The following HEXA variants were observed in gnomAD, a reference collection of about 807,000 sequenced individuals.
HEXA encodes beta-hexosaminidase subunit alpha.
Under a neutral mutation model 73.3 loss-of-function variants are expected in HEXA, and 54 were observed. The ratio of observed to expected loss-of-function variants is 0.74; its 90% CI spans 0.59 to 0.92. The LOEUF is 0.92. Ranked by LOEUF, HEXA falls within the 40% of genes least tolerant of loss-of-function variation. The pLI is 0.00. For missense variants in HEXA, 649 were observed against 653.0 expected, an observed-to-expected ratio of 0.99 and a Z score of 0.07; for synonymous variants, 230 against 246.9, an observed-to-expected ratio of 0.93 and a Z score of 0.64.
At chr15:72,346,210 C>T in intron 12 of HEXA, 25 bp downstream of exon 12, 3 of 1,578,658 alleles carry the variant, frequency 1.9e-6, no homozygotes, top group Non-Finnish European at 1.7e-6. Flanking sequence ...GCCCAACCCT[C>T]CACCTCCCCC....
chr15:72,375,086 G>A (rs957560801), intron 1 of HEXA, among the ~76,000 whole-genome samples: 1 of 96,060 alleles, frequency 1.0e-5, no homozygotes, highest in Non-Finnish European at 2.2e-5. Flanking sequence ...TGTTTTGTTT[G>A]GGGGGGGGGG....
At chr15:72,366,861 T>C (rs1414778385) in intron 1 of HEXA, among the ~76,000 whole-genome samples, 2 of 152,206 alleles carry the variant, frequency 1.3e-5, no homozygotes, top group Admixed American at 6.5e-5. Context: ...GTTTGCTTGA[T>C]ACCTCATAGT....
At chr15:72,363,805 C>T (rs1256195251) in intron 1 of HEXA, among the ~76,000 whole-genome samples, 2 of 152,070 alleles carry the variant, frequency 1.3e-5, no homozygotes, top group Non-Finnish European at 1.5e-5. Context: ...TCTATTTTCC[C>T]CTACTTTTAA....
intron 1 of HEXA, chr15:72,357,846 G>C (rs2140329945): frequency 6.6e-6 from 1 of 152,130 alleles, no homozygotes; most frequent in Non-Finnish European, 1.5e-5. Flanking sequence ...CCAATAAGGG[G>C]GCCTTTCCTA....
In HEXA at chr15:72,352,158, G is replaced by A. The variant is rs118104625; in HGVS notation, c.570+910C>T. On this transcript the variant is annotated intron_variant, in intron 5 of 13. Transcript: ENST00000268097. ...TTTTCAGTAGAGATGGGGTTTCACC[G>A]TCTTGGCCAGGTTAGTCTCAAACTC... Among the ~76,000 whole-genome samples the A allele has an allele frequency of 3.5e-3, 532 of 152,156 alleles. 1 individual carries two copies. The highest frequency in any genetic ancestry group is 3.5e-3 in the Non-Finnish European group (240 of 68,004).
chr15:72,344,352 C>T (rs2088584001), intron 13 of HEXA, among the ~76,000 whole-genome samples: 1 of 152,134 alleles, frequency 6.6e-6, no homozygotes, highest in Non-Finnish European at 1.5e-5. Flanking sequence ...ACAGGTGCCT[C>T]AGGTGATTCT....
intron 1 of HEXA, chr15:72,357,502 T>G (rs756831844): frequency 6.6e-6 from 1 of 152,368 alleles, no homozygotes; most frequent in Non-Finnish European, 1.5e-5. Flanking sequence ...CTCACCCTCC[T>G]GCTGGTTCTT....
At chr15:72,349,398 G>A in intron 7 of HEXA, 139 bp from the exon 8 acceptor site, 1 of 731,406 alleles carries the variant, frequency 1.4e-6, no homozygotes. Flanking sequence ...GGCACACTTA[G>A]GCACTCACAG....
chr15:72,348,257 C>T lies in HEXA; in HGVS notation c.987-123G>A, dbSNP rs2088645911. The T allele has an allele frequency of 1.5e-5, 11 of 732,616 alleles. No homozygotes were observed. In the South Asian group the frequency reaches 1.6e-4, roughly 11 times the overall value. 45.4% of individuals were successfully genotyped at this position (732,616 alleles called of 1,614,324 possible). A position where few individuals can be genotyped will look rare whatever the true frequency, so the allele number is the denominator to read the frequency against. On this transcript the variant is annotated intron_variant, in intron 8 of 13. Transcript: ENST00000268097. The stretch of plus-strand genomic sequence containing the variant: ...CCTGAAAAATCAAATAAGCAAGGAT[C>T]TCAGAAGCCCTACATGTGGAAAGTG...
chr15:72,367,321 G>C (rs1426108634), intron 1 of HEXA, among the ~76,000 whole-genome samples: 1 of 152,116 alleles, frequency 6.6e-6, no homozygotes, highest in African/African-American at 2.4e-5. Flanking sequence ...GTGAATGAGA[G>C]CCAACATTCA....
chr15:72,364,338 C>A lies in HEXA; in HGVS notation c.254-7721G>T, dbSNP rs558075863. Among the ~76,000 whole-genome samples, 6 of 152,024 alleles carry A rather than the reference C, an allele frequency of 3.9e-5. No individual in the cohort carries two copies. The East Asian group carries it at 9.7e-4, about 24-fold the overall frequency. ...GGATCCTAATACTATTAGTTTGTAA[C>A]ATTTTTCCCCTTACCAAAATGAGCT... On this transcript the variant is annotated intron_variant, in intron 1 of 13. Coordinates refer to ENST00000268097, the MANE Select transcript of HEXA (RefSeq NM_000520.6).
At chr15:72,346,157 G>T in intron 12 of HEXA, 78 bp downstream of exon 12, 1 of 990,742 alleles carries the variant, frequency 1.0e-6, no homozygotes, top group Non-Finnish European at 1.6e-6. Flanking sequence ...TCCAGAGGTG[G>T]CTAGATGGGA....
intron 10 of HEXA, 36 bp from the exon 11 acceptor site, chr15:72,346,746 A>G: frequency 6.3e-7 from 1 of 1,599,112 alleles, no homozygotes; most frequent in Non-Finnish European, 8.6e-7. Context: ...AAGGACACAA[A>G]GCTGAGGAGA....
intron 1 of HEXA, among the ~76,000 whole-genome samples, chr15:72,364,465 C>T (rs2088890994): frequency 6.6e-6 from 1 of 152,096 alleles, no homozygotes; most frequent in African/African-American, 2.4e-5. Context: ...AACTTCTCTT[C>T]TGTTTGTAGA....
intron 4 of HEXA, 75 bp from the exon 5 acceptor site, chr15:72,353,253 T>A: frequency 1.1e-6 from 1 of 872,642 alleles, no homozygotes. Context: ...TGAAGACAAC[T>A]CTCCCAGGAT....
chr15:72,351,106 C>T (rs751298761), intron 6 of HEXA, 27 bp downstream of exon 6: 7 of 1,416,988 alleles, frequency 4.9e-6, no homozygotes, highest in Non-Finnish European at 7.0e-6. Context: ...GACCCATAAA[C>T]TTGGTCTGAG....
In HEXA at chr15:72,375,914, G is replaced by A. The variant is rs749545037; in HGVS notation, c.59C>T (p.Ala20Val). Residue 20 changes from alanine (A) to valine (V), a missense_variant, in exon 1 of 14, where the codon GCG (alanine) becomes GTG (valine). Coordinates refer to ENST00000268097, the MANE Select transcript of HEXA (RefSeq NM_000520.6). ...LLLAAAFAGR[A>V]TALWPWPQNF... ...CTGAGGCCAGGGCCAGAGGGCCGTC[G>A]CCCGTCCTGCGAACGCTGCCGCCAG... 3 of 1,614,138 alleles carry A rather than the reference G, an allele frequency of 1.9e-6. No individual in the cohort carries two copies. Among genetic ancestry groups the A allele is most frequent in the Non-Finnish European group, 2.5e-6 (3 of 1,180,038 alleles).
chr15:72,356,865 A>C, intron 1 of HEXA: 1 of 594,640 alleles, frequency 1.7e-6, no homozygotes, highest in Non-Finnish European at 3.1e-6. Context: ...CTTCTTAACC[A>C]GGGCTCTATA....
intron 1 of HEXA, 133 bp from the exon 2 acceptor site, chr15:72,356,750 G>A: frequency 7.4e-7 from 1 of 1,345,430 alleles, no homozygotes; most frequent in Admixed American, 2.0e-5. Context: ...TTTACCCTTG[G>A]CATAGGCAGT....
Sources: gnomAD v4.1 joint callset for allele counts (sites outside exome capture counted in the v4.1 genomes callset) on GRCh38, gnomAD v4.1.1 for gene constraint, MANE v1.5 for transcripts, NCBI Gene and HGNC (gene_info 2026-07-23, HGNC 2026-07-21) for gene names.